Variants in POLN observed in about 807,000 individuals in gnomAD.
POLN encodes DNA polymerase N.
POLN carries 108 observed loss-of-function variants against 113.5 expected under a neutral mutation model. The observed-to-expected ratio is 0.95, with a 90% CI of 0.81 to 1.12. POLN has a LOEUF of 1.12. Among genes scored for constraint, POLN ranks in the 50% most tolerant of loss-of-function variants. The pLI, the probability that POLN is intolerant of heterozygous loss-of-function variation, is 0.00. For synonymous variants in POLN, 386 were observed against 391.5 expected, an observed-to-expected ratio of 0.99 and a Z score of 0.17; for missense variants, 1,097 against 1,077.1, an observed-to-expected ratio of 1.02 and a Z score of -0.26.
At chr4:2,113,130 G>A (rs1242497238) in intron 19 of POLN, among the ~76,000 whole-genome samples, 6 of 149,182 alleles carry the variant, frequency 4.0e-5, no homozygotes, top group Non-Finnish European at 5.9e-5. Flanking sequence ...GCAAACTATC[G>A]CAAGGACAAA....
intron 7 of POLN, among the ~76,000 whole-genome samples, chr4:2,181,460 A>C (rs57654254): frequency 1.3e-5 from 2 of 151,870 alleles, no homozygotes; most frequent in Middle Eastern, 3.4e-3. Context: ...AAGACAGAAT[A>C]TTTTTTTAAA....
chr4:2,145,743 A>T (rs1732122201), intron 16 of POLN, among the ~76,000 whole-genome samples: 1 of 152,220 alleles, frequency 6.6e-6, no homozygotes, highest in Non-Finnish European at 1.5e-5. Context: ...TAGTGATGTC[A>T]GGAGAGTTGA....
chr4:2,241,287 G>T (rs58845982), intron 2 of POLN, among the ~76,000 whole-genome samples: 12,590 of 152,198 alleles, frequency 0.083, 776 homozygotes, highest in African/African-American at 0.16. Context: ...GTAACGAAAA[G>T]TAATTAACAA....
At chr4:2,154,938 A>G (rs1437602598) in intron 16 of POLN, among the ~76,000 whole-genome samples, 1 of 152,258 alleles carries the variant, frequency 6.6e-6, no homozygotes, top group Non-Finnish European at 1.5e-5. Flanking sequence ...CTGAAATAAC[A>G]GAAAAATAAA....
intron 2 of POLN, chr4:2,238,942 A>ATTT (rs1734868379): frequency 6.2e-7 from 1 of 1,606,670 alleles, no homozygotes. Flanking sequence ...TTACCACAGC[A>ATTT]GGTAAACTTC....
chr4:2,210,193 C>G (rs1035417365), intron 4 of POLN, among the ~76,000 whole-genome samples: 5 of 151,514 alleles, frequency 3.3e-5, no homozygotes, highest in Non-Finnish European at 5.9e-5. Flanking sequence ...ATTAAAAATT[C>G]CATGGAGGAG....
chr4:2,123,733 A>G (rs1171739598), intron 19 of POLN, among the ~76,000 whole-genome samples: 2 of 151,476 alleles, frequency 1.3e-5, no homozygotes, highest in African/African-American at 2.4e-5. Context: ...CAAACCTGGG[A>G]GGCAGAGGTT....
chr4:2,139,614 A>C (rs1457162404), intron 16 of POLN: 1 of 152,128 alleles, frequency 6.6e-6, no homozygotes, highest in East Asian at 1.9e-4. Flanking sequence ...GGAAAATATT[A>C]AATCACTCAA....
chr4:2,089,671 T>C, intron 20 of POLN: 1 of 703,782 alleles, frequency 1.4e-6, no homozygotes, highest in Non-Finnish European at 2.4e-6. Flanking sequence ...TAAACTGTCC[T>C]GTACTGGAAT....
At chr4:2,086,492 G>A (rs1730553990) in intron 20 of POLN, among the ~76,000 whole-genome samples, 1 of 152,152 alleles carries the variant, frequency 6.6e-6, no homozygotes, top group African/African-American at 2.4e-5. Context: ...TGTATATTAG[G>A]AACAAGAGCC....
At chr4:2,157,762 T>A (rs1732472735) in intron 15 of POLN, 96 bp downstream of exon 15, 1 of 656,260 alleles carries the variant, frequency 1.5e-6, no homozygotes, top group Non-Finnish European at 2.4e-6. Context: ...TTTAGACGAT[T>A]TCATCATTTA....
At position 2,160,318 on chromosome 4, in the gene POLN, T is replaced by C. The variant is rs111340326; in HGVS notation, c.1555-1107A>G. 2.2e-3 allele frequency among the ~76,000 whole-genome samples: 330 copies of C among 152,370 alleles called. 4 individuals are homozygous for C. Among genetic ancestry groups the C allele is most frequent in the African/African-American group, 7.6e-3 (314 of 41,584 alleles). The stretch of plus-strand genomic sequence containing the variant: ...ATTGATTTGTGTGTCTTTTTCTCCT[T>C]GGGTTGTAGAAATTTGTTATTCTGG... On this transcript the variant is annotated intron_variant, in intron 13 of 25. Coordinates refer to ENST00000511885, the MANE Select transcript of POLN (RefSeq NM_181808.4).
chr4:2,081,590 G>A (rs758689827), intron 22 of POLN, 43 bp downstream of exon 22: 3 of 1,596,616 alleles, frequency 1.9e-6, no homozygotes, highest in Admixed American at 3.3e-5. Context: ...TAAAACCCAA[G>A]AAGCAAATGG....
intron 16 of POLN, among the ~76,000 whole-genome samples, chr4:2,156,196 TC>T (rs1209298815): frequency 6.6e-6 from 1 of 152,212 alleles, no homozygotes; most frequent in Non-Finnish European, 1.5e-5. Flanking sequence ...ATACCACAGT[TC>T]TGCACAGTGG....
chr4:2,138,861 T>C (rs761744773), intron 16 of POLN, among the ~76,000 whole-genome samples: 2 of 150,794 alleles, frequency 1.3e-5, no homozygotes, highest in Non-Finnish European at 3.0e-5. Context: ...GCCACTGCAC[T>C]CCAGCCTGGG....
chr4:2,160,863 T>C (rs963014885), intron 13 of POLN, among the ~76,000 whole-genome samples: 4 of 152,216 alleles, frequency 2.6e-5, no homozygotes, highest in African/African-American at 9.6e-5. Flanking sequence ...TCTTGTTATA[T>C]TTTCTCCAAT....
At position 2,174,693 on chromosome 4, in the gene POLN, G is replaced by A. The variant is rs1404178994; in HGVS notation, c.1307C>T (p.Ala436Val). The change falls in exon 10 of 26, where the codon GCA (alanine) becomes GTA (valine). Residue 436 changes from alanine to valine, a missense_variant and splice_region_variant. Physicochemically the swap from Ala to Val is moderately conservative, Grantham distance 64 (BLOSUM62 0). Transcript: ENST00000511885. ...TLELPLIPIL[A>V]VMESHAIQVN... ...ACTTCATCTTTATGGTAACTTACCT[G>A]CCAAAATTGGTATCAGAGGAAGCTC... is the stretch of plus-strand genomic sequence containing the variant. 2 of 1,606,774 alleles carry A rather than the reference G, an allele frequency of 1.2e-6. No homozygotes were observed. The highest frequency in any genetic ancestry group is 3.3e-5 in the Admixed American group (2 of 59,950).
At chr4:2,082,262 G>A (rs1730439577) in intron 21 of POLN, among the ~76,000 whole-genome samples, 1 of 152,118 alleles carries the variant, frequency 6.6e-6, no homozygotes, top group South Asian at 2.1e-4. Context: ...GCCACACTCT[G>A]CACTCTCAGC....
At chr4:2,151,015 G>A (rs147532822) in intron 16 of POLN, among the ~76,000 whole-genome samples, 4 of 152,284 alleles carry the variant, frequency 2.6e-5, no homozygotes, top group Middle Eastern at 3.4e-3. Flanking sequence ...TCAAAAGATG[G>A]TGTCAAAAGA....
Sources: gnomAD v4.1 joint callset for allele counts (sites outside exome capture counted in the v4.1 genomes callset) on GRCh38, gnomAD v4.1.1 for gene constraint, MANE v1.5 for transcripts, NCBI Gene and HGNC (gene_info 2026-07-23, HGNC 2026-07-21) for gene names.